ASTE1: variants seen among roughly 807,000 people sequenced by gnomAD.
ASTE1 encodes single-strand DNA endonuclease ASTE1.
Under a neutral mutation model 45.8 loss-of-function variants are expected in ASTE1, and 49 were observed. The observed-to-expected ratio is 1.07, with a 90% CI of 0.85 to 1.36. ASTE1 has a LOEUF of 1.36. Ranked by LOEUF, ASTE1 falls within the 40% of genes most tolerant of loss-of-function variation. ASTE1 has a pLI of 0.00. For missense variants in ASTE1, 709 were observed against 804.0 expected (o/e 0.88, Z 1.43); for synonymous variants, 296 against 303.9 (o/e 0.97, Z 0.27).
At chr3:131,018,476 A>T in intron 4 of ASTE1, 30 bp downstream of exon 4, 1 of 1,597,040 alleles carries the variant, frequency 6.3e-7, no homozygotes, top group Non-Finnish European at 8.6e-7. Flanking sequence ...AACATGCCAC[A>T]ATATACTCCT....
At chr3:131,022,501 T>G (rs929328825) in intron 3 of ASTE1, among the ~76,000 whole-genome samples, 4 of 151,976 alleles carry the variant, frequency 2.6e-5, no homozygotes, top group Non-Finnish European at 4.4e-5. Flanking sequence ...TTTTTTTTTT[T>G]TTTAGTAGAG....
chr3:131,024,219 G>T lies in ASTE1; in HGVS notation c.1088C>A (p.Pro363Gln), dbSNP rs2063778424. Residue 363 changes from proline (P) to glutamine (Q), a missense_variant, in exon 3 of 6, where the codon CCA becomes CAA. By Grantham distance (76) the Pro-to-Gln change is moderately conservative. Coordinates refer to ENST00000264992, the MANE Select transcript of ASTE1 (RefSeq NM_014065.4). Reference sequence around the variant, plus strand: ...GGGCTGAGATATTCTGTGGGCATTTGGTTGCTGCATGTTTTCCACCTGTGT... The same window carrying T: ...GGGCTGAGATATTCTGTGGGCATTTTGTTGCTGCATGTTTTCCACCTGTGT... The part of the protein sequence containing the change: ...LPTQVENMQQ[P>Q]NAHRISQPIR... The T allele has an allele frequency of 1.2e-6, 2 of 1,614,050 alleles. No homozygotes were observed. The highest frequency in any genetic ancestry group is 3.3e-5 in the Admixed American group (2 of 60,006).
At chr3:131,020,132 C>T (rs1488705960) in intron 3 of ASTE1, among the ~76,000 whole-genome samples, 2 of 152,134 alleles carry the variant, frequency 1.3e-5, no homozygotes, top group African/African-American at 2.4e-5. Context: ...AGAGATGTTC[C>T]GCTCTGCACT....
Position 131,021,811 on chromosome 3 carries a change from TTACTG to T in ASTE1, c.1302+2189_1302+2193del, listed in dbSNP as rs559003367. ...TCAAAGTACACACTTTATGTGCACT[TTACTG>T]TACACTACTTATTTCTCAGTAAAGC... On this transcript the variant is annotated intron_variant, in intron 3 of 5. Coordinates refer to ENST00000264992, the MANE Select transcript of ASTE1 (RefSeq NM_014065.4). 2.6e-4 allele frequency among the ~76,000 whole-genome samples: 39 copies of T among 152,326 alleles called. No homozygotes were observed. In the South Asian group the frequency reaches 5.2e-3, roughly 20 times the overall value.
intron 5 of ASTE1, 128 bp downstream of exon 5, chr3:131,016,016 C>T (rs2063610383): frequency 8.4e-7 from 1 of 1,187,720 alleles, no homozygotes; most frequent in African/African-American, 1.5e-5. Context: ...AAATCAATTA[C>T]ATTAAGATTA....
Position 131,018,569 on chromosome 3 carries a change from G to C in ASTE1, c.1450C>G (p.His484Asp). The part of the protein sequence containing the change: ...QHTETKAKLH[H>D]LQSLLLTMLV... ...ATTGTGAGCAGTAAGGATTGTAGAT[G>C]ATGTAGCTTTGCTTTGGTCTCGGTG... The change falls in exon 4 of 6, where the codon CAT becomes GAT. Residue 484 changes from histidine to aspartate, a missense_variant. Coordinates refer to ENST00000264992, the MANE Select transcript of ASTE1 (RefSeq NM_014065.4). 6.2e-7 allele frequency: 1 copy of C among 1,614,096 alleles called. No individual in the cohort carries two copies. The highest frequency in any genetic ancestry group is 8.5e-7 in the Non-Finnish European group (1 of 1,180,038).
At chr3:131,016,767 AT>A (rs1443678490) in intron 4 of ASTE1, 4 of 344,324 alleles carry the variant, frequency 1.2e-5, no homozygotes, top group African/African-American at 8.6e-5. Flanking sequence ...TTCAAAACAC[AT>A]TTTGACCTCT....
At position 131,024,814 on chromosome 3, in the gene ASTE1, T is replaced by C. The variant is rs1410035421; in HGVS notation, c.493A>G (p.Ile165Val). Reference protein sequence around the residue: ...PVLSSDSDFCIFDLKTGFCPL... With the variant: ...PVLSSDSDFCVFDLKTGFCPL... ...CAAAACCCAGTTTTCAGGTCAAAAA[T>C]GCAAAAGTCACTATCTGATGATAAC... The change falls in exon 3 of 6, where the codon ATT becomes GTT. Residue 165 changes from isoleucine (I) to valine (V), a missense_variant. Ile to Val is a conservative substitution (Grantham distance 29). Coordinates refer to ENST00000264992, the MANE Select transcript of ASTE1 (RefSeq NM_014065.4). 6.2e-7 allele frequency: 1 copy of C among 1,614,168 alleles called. No homozygotes were observed. Among genetic ancestry groups the C allele is most frequent in the Non-Finnish European group, 8.5e-7 (1 of 1,180,028 alleles).
At position 131,016,247 on chromosome 3, in the gene ASTE1, A is replaced by T; in HGVS notation, c.1606T>A (p.Leu536Ile). 6.2e-7 allele frequency: 1 copy of T among 1,614,188 alleles called. No homozygotes were observed. The highest frequency in any genetic ancestry group is 8.5e-7 in the Non-Finnish European group (1 of 1,180,036). ...AQTRLGTRLD[L>I]DTAHIFCQWQ... Reference sequence around the variant, plus strand: ...TGACAGAAGATGTGAGCTGTGTCTAAGTCCAGTCTTGTGCCCAGCCGTGTC... The same window carrying T: ...TGACAGAAGATGTGAGCTGTGTCTATGTCCAGTCTTGTGCCCAGCCGTGTC... Residue 536 changes from leucine (L) to isoleucine (I), a missense_variant, in exon 5 of 6, where the codon TTA becomes ATA. Leu to Ile is a conservative substitution (Grantham distance 5). Coordinates refer to ENST00000264992, the MANE Select transcript of ASTE1 (RefSeq NM_014065.4).
At chr3:131,020,529 T>C (rs536588957) in intron 3 of ASTE1, among the ~76,000 whole-genome samples, 1 of 152,294 alleles carries the variant, frequency 6.6e-6, no homozygotes, top group Admixed American at 6.5e-5. Context: ...ATAACCAAAA[T>C]GAAACCCTAT....
chr3:131,025,037 T>G lies in ASTE1; in HGVS notation c.270A>C (p.Thr90=). 3 of 1,603,996 alleles carry G rather than the reference T, an allele frequency of 1.9e-6. No individual in the cohort carries two copies. Among genetic ancestry groups the G allele is most frequent in the Non-Finnish European group, 2.6e-6 (3 of 1,174,640 alleles). Residue 90 remains threonine (T), a synonymous_variant, in exon 3 of 6, where the codon ACA becomes ACC. Coordinates refer to ENST00000264992, the MANE Select transcript of ASTE1 (RefSeq NM_014065.4). The part of the protein sequence containing the change: ...GGCDISDKKL[T]TLKDRAREKI... ...TCTCTCTAGCTCTATCCTTTAAAGT[T>G]GTAAGCTTTTTATCTGAAATGTCAC...
chr3:131,017,073 T>C (rs1217722000), intron 4 of ASTE1: 1 of 1,287,378 alleles, frequency 7.8e-7, no homozygotes, highest in African/African-American at 1.5e-5. Flanking sequence ...AACAGACCCT[T>C]GACATGCCCC....
intron 4 of ASTE1, 196 bp from the exon 5 acceptor site, chr3:131,016,535 C>T: frequency 1.5e-6 from 1 of 655,718 alleles, no homozygotes; most frequent in Non-Finnish European, 2.5e-6. Flanking sequence ...TAATGATGAC[C>T]TAACTTTATT....
At position 131,018,486 on chromosome 3, in the gene ASTE1, T is replaced by G. The variant is rs1476944130; in HGVS notation, c.1513+20A>C. On this transcript the variant is annotated intron_variant, in intron 4 of 5. Coordinates refer to ENST00000264992, the MANE Select transcript of ASTE1 (RefSeq NM_014065.4). Reference sequence around the variant, plus strand: ...CAAGCAACATGCCACAATATACTCCTGTAATTTCCAGTTACCTACCAGGGC... The same window carrying G: ...CAAGCAACATGCCACAATATACTCCGGTAATTTCCAGTTACCTACCAGGGC... The G allele has an allele frequency of 6.2e-7, 1 of 1,606,840 alleles. No homozygotes were observed. The highest frequency in any genetic ancestry group is 8.5e-7 in the Non-Finnish European group (1 of 1,173,594).
At position 131,019,501 on chromosome 3, in the gene ASTE1, G is replaced by A. The variant is rs189235393; in HGVS notation, c.1303-785C>T. Among the ~76,000 whole-genome samples the A allele has an allele frequency of 2.6e-3, 390 of 152,336 alleles. 1 individual carries two copies. The highest frequency in any genetic ancestry group is 8.3e-3 in the African/African-American group (344 of 41,574). On this transcript the variant is annotated intron_variant, in intron 3 of 5. Transcript: ENST00000264992. ...CAGCTATAAGAGCACTGAGGTTCTT[G>A]TTGAAATAATTTTACCTTAATGAAT...
rs994216118 is a variant in ASTE1 at position 131,026,755 on chromosome 3, C to T, written c.-395G>A. ...ACGTTCCGAAATGGCTGCTGTCAGG[C>T]TAGGAAAGCTTGGCCCGCCGGTCCT... On this transcript the variant is annotated 5_prime_UTR_variant, in exon 1 of 6. Transcript: ENST00000264992. 1.3e-5 allele frequency: 2 copies of T among 152,454 alleles called. No homozygotes were observed. Among genetic ancestry groups the T allele is most frequent in the East Asian group, 3.9e-4 (2 of 5,188 alleles). The allele number at this position is 152,454 out of a possible 1,614,324, so 9.4% of individuals were successfully genotyped here.
At chr3:131,019,559 C>T (rs1168255171) in intron 3 of ASTE1, among the ~76,000 whole-genome samples, 6 of 152,176 alleles carry the variant, frequency 3.9e-5, no homozygotes, top group African/African-American at 7.2e-5. Context: ...GAATGGGGAC[C>T]TTACAGGTCA....
chr3:131,023,700 C>T (rs1303315260), intron 3 of ASTE1, among the ~76,000 whole-genome samples: 4 of 151,754 alleles, frequency 2.6e-5, no homozygotes, highest in Non-Finnish European at 4.4e-5. Context: ...CTATTGATAG[C>T]TAGTATTAAC....
chr3:131,016,308 C>T lies in ASTE1; in HGVS notation c.1545G>A (p.Lys515=), dbSNP rs757820661. The T allele has an allele frequency of 1.1e-5, 17 of 1,613,700 alleles. No individual in the cohort carries two copies. The highest frequency in any genetic ancestry group is 1.4e-5 in the Non-Finnish European group (17 of 1,179,720). Residue 515 remains lysine (K), a synonymous_variant, in exon 5 of 6, where the codon AAG becomes AAA. Coordinates refer to ENST00000264992, the MANE Select transcript of ASTE1 (RefSeq NM_014065.4). Reference sequence around the variant, plus strand: ...CTCTTTGGAACTCTGCATACAACATCTTAGCACCATCTTCCTGCAGCTCTT... The same window carrying T: ...CTCTTTGGAACTCTGCATACAACATTTTAGCACCATCTTCCTGCAGCTCTT... ...GKEELQEDGA[K]MLYAEFQRVK...
Sources: gnomAD v4.1 joint callset for allele counts (sites outside exome capture counted in the v4.1 genomes callset) on GRCh38, gnomAD v4.1.1 for gene constraint, MANE v1.5 for transcripts, NCBI Gene and HGNC (gene_info 2026-07-23, HGNC 2026-07-21) for gene names.